The following GFRA1 variants were observed in gnomAD, a reference collection of about 807,000 sequenced individuals.
GFRA1 encodes GDNF family receptor alpha-1.
Under a neutral mutation model 51.6 loss-of-function variants are expected in GFRA1, and 16 were observed. That is an observed-to-expected ratio of 0.31 (90% CI 0.21 to 0.47). GFRA1 has a LOEUF of 0.47. Ranked by LOEUF, GFRA1 falls within the 20% of genes least tolerant of loss-of-function variation. GFRA1 has a pLI of 1.00. For missense variants in GFRA1, 530 were observed against 594.3 expected, an observed-to-expected ratio of 0.89 and a Z score of 1.13; for synonymous variants, 270 against 241.3, an observed-to-expected ratio of 1.12 and a Z score of -1.10.
At chr10:116,145,585 T>C (rs1958765603) in intron 5 of GFRA1, among the ~76,000 whole-genome samples, 1 of 152,184 alleles carries the variant, frequency 6.6e-6, no homozygotes, top group East Asian at 1.9e-4. Context: ...ATCATGCAAA[T>C]TACATCCTTT....
At chr10:116,250,510 A>G (rs1437621587) in intron 4 of GFRA1, among the ~76,000 whole-genome samples, 1 of 152,256 alleles carries the variant, frequency 6.6e-6, no homozygotes, top group Non-Finnish European at 1.5e-5. Context: ...AATCAATACA[A>G]AACATGAGCC....
chr10:116,251,416 G>A (rs1395747345), intron 4 of GFRA1, among the ~76,000 whole-genome samples: 2 of 152,192 alleles, frequency 1.3e-5, no homozygotes, highest in Admixed American at 6.5e-5. Flanking sequence ...AAGAGTGGGG[G>A]TGGATGTATC....
intron 5 of GFRA1, among the ~76,000 whole-genome samples, chr10:116,205,971 A>AC (rs1565650617): frequency 1.1e-5 from 1 of 93,406 alleles, no homozygotes; most frequent in African/African-American, 3.4e-5. Flanking sequence ...CACACACACA[A>AC]AGTGAATCTA....
intron 6 of GFRA1, among the ~76,000 whole-genome samples, chr10:116,102,248 G>A (rs3781517): frequency 0.12 from 18,976 of 152,236 alleles, 1,466 homozygotes; most frequent in Non-Finnish European, 0.17. Context: ...CAGTCATCAA[G>A]TGTATACCTG....
At chr10:116,134,914 T>A (rs879687308) in intron 5 of GFRA1, among the ~76,000 whole-genome samples, 15 of 152,230 alleles carry the variant, frequency 9.9e-5, no homozygotes, top group Non-Finnish European at 1.8e-4. Flanking sequence ...GCAAGTCACA[T>A]GCTTGCTGCT....
intron 3 of GFRA1, 125 bp from the exon 4 acceptor site, chr10:116,269,711 G>A (rs1382167674): frequency 1.4e-6 from 1 of 702,674 alleles, no homozygotes; most frequent in African/African-American, 1.8e-5. Flanking sequence ...AACTTTGAAA[G>A]ATTTCAAATG....
chr10:116,206,884 G>A (rs1223008153), intron 5 of GFRA1, among the ~76,000 whole-genome samples: 2 of 151,600 alleles, frequency 1.3e-5, no homozygotes, highest in Non-Finnish European at 2.9e-5. Context: ...CACCCGCCTC[G>A]GCCTCCCAAA....
At position 116,242,132 on chromosome 10, in the gene GFRA1, T is replaced by C. The variant is rs1967434348; in HGVS notation, c.418+27371A>G. Among the ~76,000 whole-genome samples, 7 of 91,890 alleles carry C rather than the reference T, an allele frequency of 7.6e-5. No individual in the cohort carries two copies. The South Asian group carries it at 4.2e-3, about 56-fold the overall frequency. 60.3% of individuals were successfully genotyped at this position (91,890 alleles called of 152,430 possible). A position where few individuals can be genotyped will look rare whatever the true frequency, so the allele number is the denominator to read the frequency against. On this transcript the variant is annotated intron_variant, in intron 4 of 10. Coordinates refer to ENST00000355422, the MANE Select transcript of GFRA1 (RefSeq NM_005264.8). ...ATTCTTATTTTTCGGCTGGAATTAC[T>C]CAGATAACTGCTTCATCTCTCTATT...
At chr10:116,209,602 G>A (rs191534061) in intron 5 of GFRA1, among the ~76,000 whole-genome samples, 135 of 152,042 alleles carry the variant, frequency 8.9e-4, no homozygotes, top group East Asian at 2.5e-3. Context: ...AAGCTAAGTC[G>A]TTTTCTGCTT....
upstream of GFRA1, chr10:116,273,385 C>A (rs1429820308): frequency 6.6e-6 from 1 of 152,118 alleles, no homozygotes. Flanking sequence ...GCCCTCGGCT[C>A]GGATGCTCGT....
intron 6 of GFRA1, 132 bp from the exon 7 acceptor site, chr10:116,096,896 CACACAT>C (rs1956615563): frequency 3.6e-4 from 150 of 415,784 alleles, no homozygotes; most frequent in African/African-American, 1.0e-3. Context: ...CACACACACA[CACACAT>C]ACACACAAAA....
intron 4 of GFRA1, among the ~76,000 whole-genome samples, chr10:116,217,768 C>A (rs1310445332): frequency 1.3e-5 from 2 of 152,130 alleles, no homozygotes; most frequent in African/African-American, 2.4e-5. Flanking sequence ...ATGCCAGTAA[C>A]AATAGGTAAT....
chr10:116,100,469 G>A (rs948920722), intron 6 of GFRA1, among the ~76,000 whole-genome samples: 5 of 152,218 alleles, frequency 3.3e-5, no homozygotes, highest in South Asian at 2.1e-4. Flanking sequence ...CAGGTGCATC[G>A]CCCAGAACAT....
At chr10:116,119,696 G>A (rs1010327201) in intron 6 of GFRA1, among the ~76,000 whole-genome samples, 2 of 152,172 alleles carry the variant, frequency 1.3e-5, no homozygotes, top group Admixed American at 6.5e-5. Context: ...AAACAGTAGA[G>A]GATGTCCTTG....
At chr10:116,181,521 G>A (rs1238804973) in intron 5 of GFRA1, among the ~76,000 whole-genome samples, 1 of 152,128 alleles carries the variant, frequency 6.6e-6, no homozygotes, top group Non-Finnish European at 1.5e-5. Context: ...CTATAAAATG[G>A]CCACAATAAT....
upstream of GFRA1, chr10:116,273,261 C>T (rs1844088289): frequency 6.6e-6 from 1 of 151,652 alleles, no homozygotes; most frequent in Admixed American, 6.6e-5. Context: ...CCCTCCTTCC[C>T]TTTCCGGGCT....
chr10:116,254,504 C>CTAT (rs771819785), intron 4 of GFRA1, among the ~76,000 whole-genome samples: 1 of 123,062 alleles, frequency 8.1e-6, no homozygotes, highest in African/African-American at 4.0e-5. Context: ...GACCCTGACT[C>CTAT]TATTAAAAAA....
chr10:116,113,904 G>A (rs919910430), intron 6 of GFRA1, among the ~76,000 whole-genome samples: 5 of 152,046 alleles, frequency 3.3e-5, no homozygotes, highest in East Asian at 1.9e-4. Context: ...CGTGTTGCTC[G>A]CCTCATCATC....
chr10:116,064,522 A>G lies in GFRA1; in HGVS notation c.1274T>C (p.Leu425Pro), dbSNP rs1305557504. The G allele has an allele frequency of 6.2e-6, 10 of 1,613,496 alleles. No individual in the cohort carries two copies. The highest frequency in any genetic ancestry group is 5.0e-5 in the Admixed American group (3 of 60,010). Residue 425 changes from leucine (L) to proline (P), a missense_variant, in exon 11 of 11, where the codon CTC (leucine) becomes CCC (proline). Transcript: ENST00000355422. ...TGTGGTTATGTGGCTGGAAGCACCG[A>G]GACCTTCTTTTTCATAATTACCCTG... is the stretch of plus-strand genomic sequence containing the variant. ...ISNGNYEKEG[L>P]GASSHITTKS...
Sources: gnomAD v4.1 joint callset for allele counts (sites outside exome capture counted in the v4.1 genomes callset) on GRCh38, gnomAD v4.1.1 for gene constraint, MANE v1.5 for transcripts, NCBI Gene and HGNC (gene_info 2026-07-23, HGNC 2026-07-21) for gene names.